The following PTPRK variants were observed in gnomAD, a reference collection of about 807,000 sequenced individuals.
The protein encoded by PTPRK is protein tyrosine phosphatase receptor type K.
Under a neutral mutation model 178.0 loss-of-function variants are expected in PTPRK, and 75 were observed. The ratio of observed to expected loss-of-function variants is 0.42; its 90% confidence interval spans 0.35 to 0.51. The LOEUF is 0.51. Among genes scored for constraint, PTPRK ranks in the 20% least tolerant of loss-of-function variants. The pLI, the probability that PTPRK is intolerant of heterozygous loss-of-function variation, is 0.02. For synonymous variants in PTPRK, 637 were observed against 620.6 expected, an observed-to-expected ratio of 1.03 and a Z score of -0.39; for missense variants, 1,441 against 1,797.8, an observed-to-expected ratio of 0.80 and a Z score of 3.59.
intron 7 of PTPRK, among the ~76,000 whole-genome samples, chr6:128,109,094 C>G (rs1254720821): frequency 6.6e-6 from 1 of 152,028 alleles, no homozygotes; most frequent in African/African-American, 2.4e-5. Flanking sequence ...AAAAAAACTA[C>G]CATGTGTCAA....
At chr6:128,392,431 A>T (rs934110830) in intron 2 of PTPRK, among the ~76,000 whole-genome samples, 1 of 152,252 alleles carries the variant, frequency 6.6e-6, no homozygotes, top group African/African-American at 2.4e-5. Flanking sequence ...AAATTCAATT[A>T]GCTATTTTGC....
intron 7 of PTPRK, among the ~76,000 whole-genome samples, chr6:128,177,292 T>G (rs1801213917): frequency 6.6e-6 from 1 of 151,764 alleles, no homozygotes; most frequent in Non-Finnish European, 1.5e-5. Context: ...CATTTTACTT[T>G]TAAAGCCATT....
intron 7 of PTPRK, among the ~76,000 whole-genome samples, chr6:128,180,262 T>C (rs1801704351): frequency 6.6e-6 from 1 of 152,006 alleles, no homozygotes; most frequent in Non-Finnish European, 1.5e-5. Flanking sequence ...TTTGCCTAGC[T>C]TCTATACCAG....
intron 7 of PTPRK, among the ~76,000 whole-genome samples, chr6:128,156,213 CA>C: frequency 6.6e-6 from 1 of 151,724 alleles, no homozygotes; most frequent in East Asian, 1.9e-4. Flanking sequence ...GAAATAAAAA[CA>C]AAAAATATGG....
intron 2 of PTPRK, among the ~76,000 whole-genome samples, chr6:128,382,534 A>G (rs1838092566): frequency 6.6e-6 from 1 of 151,614 alleles, no homozygotes; most frequent in Non-Finnish European, 1.5e-5. Context: ...CAGCCTCCCA[A>G]GTAGCTGGGA....
rs1811374585 is a variant in PTPRK, at chr6:128,226,759, GACATATATATATATATATATAT to G, written c.694-7685_694-7664del. On this transcript the variant is annotated intron_variant, in intron 5 of 29. Coordinates refer to ENST00000368226, the MANE Select transcript of PTPRK (RefSeq NM_002844.4). ...CTATATGTAATCTTATAATTATATA[GACATATATATATATATATATAT>G]ATATATATATATATATATTTCAATA... 2.0e-4 allele frequency among the ~76,000 whole-genome samples: 10 copies of G among 49,886 alleles called. No homozygotes were observed. In the South Asian group the frequency reaches 7.4e-3, roughly 37 times the overall value. 32.7% of individuals were successfully genotyped at this position (49,886 alleles called of 152,430 possible). A position where few individuals can be genotyped will look rare whatever the true frequency, so the allele number is the denominator to read the frequency against.
chr6:128,482,808 T>C (rs1050744455), intron 1 of PTPRK, among the ~76,000 whole-genome samples: 3 of 152,166 alleles, frequency 2.0e-5, no homozygotes, highest in African/African-American at 7.2e-5. Flanking sequence ...ATTCTGGGAA[T>C]TCTTCTGACA....
chr6:128,253,204 G>T (rs13215503), intron 3 of PTPRK, among the ~76,000 whole-genome samples: 3,057 of 152,244 alleles, frequency 0.02, 38 homozygotes, highest in South Asian at 0.041. Flanking sequence ...GTGAGAATAT[G>T]AGTTTAGCAA....
At chr6:128,068,561 A>G (rs1231724740) in intron 11 of PTPRK, among the ~76,000 whole-genome samples, 2 of 152,160 alleles carry the variant, frequency 1.3e-5, no homozygotes, top group Non-Finnish European at 2.9e-5. Context: ...AAGGAGAGAA[A>G]AAAACAAAAA....
At chr6:128,517,641 C>G (rs1467093694) in intron 1 of PTPRK, among the ~76,000 whole-genome samples, 2 of 152,160 alleles carry the variant, frequency 1.3e-5, no homozygotes. Flanking sequence ...TGAAAACACT[C>G]TTACATTTTT....
Position 128,082,586 on chromosome 6 carries a change from G to A in PTPRK, c.1628C>T (p.Pro543Leu). ...CCATAAATTTGATACAGTCTGGGGA[G>A]GTCCAGCCACTGGAACTGCAGGATC... Reference protein sequence around the residue: ...SFDPAVPVAGPPQTVSNLWNS... With the variant: ...SFDPAVPVAGLPQTVSNLWNS... The change falls in exon 10 of 30, where the codon CCT becomes CTT. Residue 543 changes from proline (P) to leucine (L), a missense_variant. This residue lies in a region of PTPRK where 945 missense variants were observed against 1,080.6 expected (regional missense o/e 0.87). Transcript: ENST00000368226. 1 of 1,612,526 alleles carries A rather than the reference G, an allele frequency of 6.2e-7. No individual in the cohort carries two copies.
chr6:128,271,485 T>C (rs1819814295), intron 3 of PTPRK, among the ~76,000 whole-genome samples: 1 of 152,120 alleles, frequency 6.6e-6, no homozygotes, highest in Admixed American at 6.6e-5. Flanking sequence ...AGCTGGAAAA[T>C]GGCTGATAAA....
At chr6:128,264,501 G>T (rs1012063891) in intron 3 of PTPRK, among the ~76,000 whole-genome samples, 21 of 151,864 alleles carry the variant, frequency 1.4e-4, no homozygotes, top group Non-Finnish European at 2.9e-4. Flanking sequence ...TATTTTTTTA[G>T]AGACAGGGTC....
At chr6:128,146,155 G>T (rs1796454959) in intron 7 of PTPRK, among the ~76,000 whole-genome samples, 1 of 152,110 alleles carries the variant, frequency 6.6e-6, no homozygotes, top group Non-Finnish European at 1.5e-5. Context: ...TCCCTTTCTG[G>T]CAGTGGCACT....
chr6:128,336,201 T>G (rs1022149558), intron 2 of PTPRK, among the ~76,000 whole-genome samples: 19 of 151,712 alleles, frequency 1.3e-4, no homozygotes, highest in African/African-American at 4.6e-4. Context: ...GTTTTTTTTT[T>G]TGTTTTTTTT....
chr6:128,509,720 A>G (rs1356492633), intron 1 of PTPRK, among the ~76,000 whole-genome samples: 2 of 152,112 alleles, frequency 1.3e-5, no homozygotes, highest in East Asian at 3.9e-4. Context: ...GATCAAGCAG[A>G]AAGGACTGCT....
At chr6:128,225,603 A>G (rs1282830808) in intron 5 of PTPRK, among the ~76,000 whole-genome samples, 1 of 152,222 alleles carries the variant, frequency 6.6e-6, no homozygotes, top group Non-Finnish European at 1.5e-5. Context: ...TTCCAAAAAC[A>G]TGAAATCATT....
chr6:128,313,449 G>A (rs759564535), intron 3 of PTPRK, among the ~76,000 whole-genome samples: 22 of 152,156 alleles, frequency 1.4e-4, no homozygotes, highest in Admixed American at 1.2e-3. Flanking sequence ...CGTCCAAGGA[G>A]AAGGGAGAGA....
intron 2 of PTPRK, among the ~76,000 whole-genome samples, chr6:128,354,629 CTGG>C (rs1833722012): frequency 2.6e-5 from 4 of 152,148 alleles, no homozygotes. Context: ...ATCTATATAA[CTGG>C]CAATAAGAAT....
Sources: gnomAD v4.1 joint callset for allele counts (sites outside exome capture counted in the v4.1 genomes callset) on GRCh38, gnomAD v4.1.1 for gene constraint, gnomAD v4.1.1 regional missense constraint, MANE v1.5 for transcripts, NCBI Gene and HGNC (gene_info 2026-07-23, HGNC 2026-07-21) for gene names.